The following VPS50 variants were observed in gnomAD, a reference collection of about 807,000 sequenced individuals.
VPS50 encodes VPS50 subunit of EARP/GARPII complex.
VPS50 carries 70 observed loss-of-function variants against 139.7 expected under a neutral mutation model. The ratio of observed to expected loss-of-function variants is 0.50; its 90% CI spans 0.41 to 0.61. The LOEUF is 0.61. VPS50 is among the 20% of genes least tolerant of loss of function. The pLI is 0.00. For synonymous variants in VPS50, 365 were observed against 376.7 expected (o/e 0.97, Z 0.36); for missense variants, 921 against 1,133.7 (o/e 0.81, Z 2.69).
chr7:93,340,305 T>C (rs1027572582), intron 22 of VPS50, among the ~76,000 whole-genome samples: 2 of 152,240 alleles, frequency 1.3e-5, no homozygotes, highest in Non-Finnish European at 2.9e-5. Flanking sequence ...TTATATTAAG[T>C]TAAATATTGA....
At chr7:93,342,344 C>T (rs1392972195) in intron 23 of VPS50, among the ~76,000 whole-genome samples, 1 of 152,218 alleles carries the variant, frequency 6.6e-6, no homozygotes, top group African/African-American at 2.4e-5. Context: ...CGAAGTCTCG[C>T]TGATTGCTAG....
intron 12 of VPS50, among the ~76,000 whole-genome samples, chr7:93,282,157 T>C (rs1255701152): frequency 6.6e-6 from 1 of 151,938 alleles, no homozygotes; most frequent in Non-Finnish European, 1.5e-5. Flanking sequence ...TGAGCTGAGA[T>C]TGCGCCACTG....
chr7:93,275,869 T>C (rs1418090729), intron 11 of VPS50: 1 of 290,572 alleles, frequency 3.4e-6, no homozygotes, highest in East Asian at 6.5e-5. Flanking sequence ...ATTAGAGATA[T>C]GGTTGTGTAC....
At chr7:93,245,630 G>T (rs568853393) in intron 2 of VPS50, among the ~76,000 whole-genome samples, 4 of 151,798 alleles carry the variant, frequency 2.6e-5, no homozygotes, top group Non-Finnish European at 5.9e-5. Context: ...ATTAAAATGT[G>T]ATCCAATAAC....
intron 1 of VPS50, among the ~76,000 whole-genome samples, chr7:93,237,139 G>A (rs2116764659): frequency 6.7e-6 from 1 of 148,290 alleles, no homozygotes; most frequent in African/African-American, 2.5e-5. Flanking sequence ...TGTATTTTTA[G>A]TAGAGACGGG....
At position 93,297,385 on chromosome 7, in the gene VPS50, G is replaced by A. The variant is rs1414078646; in HGVS notation, c.1361+142G>A. The A allele has an allele frequency of 5.5e-6, 5 of 917,200 alleles. No homozygotes were observed. The East Asian group carries it at 1.0e-4, about 19-fold the overall frequency. 56.8% of individuals were successfully genotyped at this position (917,200 alleles called of 1,614,324 possible). On this transcript the variant is annotated intron_variant, in intron 16 of 27. Transcript: ENST00000305866. Reference sequence around the variant, plus strand: ...TTGTAGCTTTTTTAAGATGGTTAAGGATTTTTTTAACCAAAATATGATGAA... The same window carrying A: ...TTGTAGCTTTTTTAAGATGGTTAAGAATTTTTTTAACCAAAATATGATGAA...
rs770208566 is a variant in VPS50, at chr7:93,306,008, T to C, written c.1629+4T>C. The stretch of plus-strand genomic sequence containing the variant: ...AGATGTCTTAGCTTCTAATGGGGTA[T>C]GTGGTGTATGTGAAACATAAGTGAG... On this transcript the variant is annotated splice_donor_region_variant and intron_variant, in intron 18 of 27. Transcript: ENST00000305866. 11 of 1,602,960 alleles carry C rather than the reference T, an allele frequency of 6.9e-6. No homozygotes were observed. Among genetic ancestry groups the C allele is most frequent in the African/African-American group, 4.0e-5 (3 of 74,348 alleles).
chr7:93,296,440 T>C (rs1197559231), intron 14 of VPS50, among the ~76,000 whole-genome samples: 1 of 152,182 alleles, frequency 6.6e-6, no homozygotes, highest in Non-Finnish European at 1.5e-5. Context: ...TGTACTTTGG[T>C]AAAATTTTAC....
intron 20 of VPS50, among the ~76,000 whole-genome samples, chr7:93,318,759 G>A (rs1041666220): frequency 6.6e-6 from 1 of 151,884 alleles, no homozygotes; most frequent in Non-Finnish European, 1.5e-5. Flanking sequence ...TATCCACAAT[G>A]GAAAAAATTT....
intron 2 of VPS50, among the ~76,000 whole-genome samples, chr7:93,240,402 C>G (rs1276255012): frequency 6.6e-6 from 1 of 152,122 alleles, no homozygotes; most frequent in Non-Finnish European, 1.5e-5. Flanking sequence ...GAAAAAGCAT[C>G]TAAACCATAG....
At chr7:93,335,933 A>G (rs1798058664) in intron 22 of VPS50, among the ~76,000 whole-genome samples, 1 of 152,180 alleles carries the variant, frequency 6.6e-6, no homozygotes, top group Non-Finnish European at 1.5e-5. Context: ...ATGAATTATT[A>G]CTCATACTGA....
chr7:93,275,126 T>C (rs1441692612), intron 11 of VPS50, among the ~76,000 whole-genome samples: 1 of 152,158 alleles, frequency 6.6e-6, no homozygotes, highest in African/African-American at 2.4e-5. Context: ...AAGAATTGCT[T>C]CTTATGGATG....
intron 19 of VPS50, 135 bp downstream of exon 19, chr7:93,309,077 G>A (rs1404098723): frequency 6.8e-6 from 3 of 441,862 alleles, no homozygotes; most frequent in Non-Finnish European, 8.1e-6. Context: ...AAGTTAGTAT[G>A]TTTTAAAAAA....
intron 17 of VPS50, among the ~76,000 whole-genome samples, chr7:93,304,410 C>G (rs1797061936): frequency 6.6e-6 from 1 of 151,184 alleles, no homozygotes; most frequent in African/African-American, 2.4e-5. Context: ...TATTGTTTTC[C>G]TATTATAGAA....
At position 93,296,162 on chromosome 7, in the gene VPS50, G is replaced by A. The variant is rs552397768; in HGVS notation, c.1168-580G>A. 3.9e-5 allele frequency among the ~76,000 whole-genome samples: 6 copies of A among 152,220 alleles called. No individual in the cohort carries two copies. The South Asian group carries it at 1.0e-3, about 26-fold the overall frequency. ...TTTTTGATAATTTTGTATTCGATAT[G>A]CTATTTGATTTTATGCTTTAGTATT... On this transcript the variant is annotated intron_variant, in intron 14 of 27. Coordinates refer to ENST00000305866, the MANE Select transcript of VPS50 (RefSeq NM_017667.4).
intron 12 of VPS50, among the ~76,000 whole-genome samples, chr7:93,285,300 C>T (rs974623556): frequency 3.9e-4 from 60 of 152,102 alleles, no homozygotes; most frequent in African/African-American, 1.4e-3. Flanking sequence ...TAAATCAAAA[C>T]GTGGAATAAG....
Position 93,343,483 on chromosome 7 carries a change from T to C in VPS50, c.2207+1908T>C, listed in dbSNP as rs1200451472. ...GTTCAGATTCAGGAAATACAGAGAA[T>C]GCCACAAAGATACTCCTCGAGAAGA... On this transcript the variant is annotated intron_variant, in intron 23 of 27. Transcript: ENST00000305866. Among the ~76,000 whole-genome samples the C allele has an allele frequency of 5.3e-5, 8 of 151,976 alleles. No individual in the cohort carries two copies. In the East Asian group the frequency reaches 9.7e-4, roughly 18 times the overall value.
chr7:93,247,134 T>C (rs545365296), intron 2 of VPS50, among the ~76,000 whole-genome samples: 18 of 152,062 alleles, frequency 1.2e-4, no homozygotes, highest in African/African-American at 4.1e-4. Flanking sequence ...TGCAACCTTA[T>C]TGCATGTTGT....
intron 13 of VPS50, 81 bp from the exon 14 acceptor site, chr7:93,294,464 T>A (rs1796743939): frequency 8.2e-7 from 1 of 1,223,730 alleles, no homozygotes; most frequent in African/African-American, 1.5e-5. Context: ...TTACAATGTG[T>A]GAGAGGCCAA....
Sources: gnomAD v4.1 joint callset for allele counts (sites outside exome capture counted in the v4.1 genomes callset) on GRCh38, gnomAD v4.1.1 for gene constraint, MANE v1.5 for transcripts, NCBI Gene and HGNC (gene_info 2026-07-23, HGNC 2026-07-21) for gene names.